The following RYR3 variants were observed in gnomAD, a reference collection of about 807,000 sequenced individuals.
RYR3 encodes the protein brain ryanodine receptor-calcium release channel.
A neutral mutation model predicts 584.3 loss-of-function variants in RYR3; 207 were observed. The ratio of observed to expected loss-of-function variants is 0.35; its 90% confidence interval spans 0.32 to 0.40. RYR3 has a LOEUF of 0.40. Ranked by LOEUF, RYR3 falls within the 10% of genes least tolerant of loss-of-function variation. The pLI, the probability that RYR3 is intolerant of heterozygous loss-of-function variation, is 1.00. For synonymous variants in RYR3, 2,416 were observed against 2,248.5 expected, an observed-to-expected ratio of 1.07 and a Z score of -2.11; for missense variants, 5,616 against 6,089.2, an observed-to-expected ratio of 0.92 and a Z score of 2.59.
At position 33,773,597 on chromosome 15, in the gene RYR3, A is replaced by G; in HGVS notation, c.9119A>G (p.Lys3040Arg). 2.5e-6 allele frequency: 4 copies of G among 1,606,234 alleles called. No individual in the cohort carries two copies. The highest frequency in any genetic ancestry group is 1.7e-5 in the Admixed American group (1 of 59,324). Residue 3040 changes from lysine to arginine, a missense_variant, in exon 64 of 104, where the codon AAG becomes AGG. By Grantham distance (26) the Lys-to-Arg change is conservative. This residue lies in a region of RYR3 where 954 missense variants were observed against 1,132.2 expected (regional missense o/e 0.84). Transcript: ENST00000634891. The part of the protein sequence containing the change: ...LCSLYSLGTG[K>R]NIYVERQRPA... ...AGCCTCTACTCCCTTGGGACGGGAA[A>G]GAACATTTATGTTGAAAGGTAATTA... is the stretch of plus-strand genomic sequence containing the variant.
intron 16 of RYR3, among the ~76,000 whole-genome samples, chr15:33,587,275 C>T (rs1357616359): frequency 2.0e-5 from 3 of 152,160 alleles, no homozygotes; most frequent in African/African-American, 2.4e-5. Context: ...TTCCTGTCTG[C>T]GAAGTGTAAT....
At chr15:33,582,677 A>G (rs1159938407) in intron 14 of RYR3, among the ~76,000 whole-genome samples, 1 of 152,144 alleles carries the variant, frequency 6.6e-6, no homozygotes, top group Admixed American at 6.5e-5. Context: ...AAGGTTACAC[A>G]TCTAGTAACT....
intron 102 of RYR3, among the ~76,000 whole-genome samples, chr15:33,863,360 G>C (rs1426395625): frequency 2.6e-5 from 4 of 152,156 alleles, no homozygotes; most frequent in African/African-American, 9.7e-5. Context: ...CTGTGGGCCA[G>C]GACCTGACGC....
At chr15:33,373,850 T>C (rs2040521649) in intron 1 of RYR3, among the ~76,000 whole-genome samples, 1 of 152,146 alleles carries the variant, frequency 6.6e-6, no homozygotes, top group South Asian at 2.1e-4. Context: ...TTTATAAAAG[T>C]ATAGGATAGA....
intron 1 of RYR3, among the ~76,000 whole-genome samples, chr15:33,440,173 G>T (rs2046099269): frequency 6.6e-6 from 1 of 152,116 alleles, no homozygotes; most frequent in African/African-American, 2.4e-5. Context: ...TGTCGTCCCA[G>T]CTACTTGAGA....
chr15:33,472,062 C>T (rs537009955), intron 1 of RYR3, among the ~76,000 whole-genome samples: 3 of 152,276 alleles, frequency 2.0e-5, no homozygotes, highest in Admixed American at 6.5e-5. Flanking sequence ...AAATGAAGAC[C>T]ATGAATTCTG....
intron 29 of RYR3, among the ~76,000 whole-genome samples, chr15:33,646,959 A>G (rs1226953944): frequency 2.0e-5 from 3 of 152,112 alleles, no homozygotes; most frequent in African/African-American, 7.2e-5. Flanking sequence ...GGGCAATGTG[A>G]CTTCTTTCTT....
intron 12 of RYR3, among the ~76,000 whole-genome samples, chr15:33,571,218 G>C (rs1233780749): frequency 2.6e-5 from 4 of 152,130 alleles, no homozygotes; most frequent in Non-Finnish European, 5.9e-5. Context: ...TTGACTGTAG[G>C]GTTTTTGTAG....
rs1218310411 is a variant in RYR3, at chr15:33,550,195, T to C, written c.851T>C (p.Phe284Ser). The change falls in exon 10 of 104, where the codon TTC (phenylalanine) becomes TCC (serine). Residue 284 changes from phenylalanine to serine, a missense_variant. This residue lies in a region of RYR3 where 1,284 missense variants were observed against 1,344.6 expected (regional missense o/e 0.95). Transcript: ENST00000634891. The stretch of plus-strand genomic sequence containing the variant: ...AGTAACATCAGATGGGGCCAGGCTT[T>C]CCGACTCCGGCATCTCACCACAGGC... ...SGSNIRWGQA[F>S]RLRHLTTGHY... 6.2e-7 allele frequency: 1 copy of C among 1,613,738 alleles called. No homozygotes were observed. The highest frequency in any genetic ancestry group is 1.3e-5 in the African/African-American group (1 of 74,922).
At chr15:33,753,682 G>T (rs546288039) in intron 57 of RYR3, among the ~76,000 whole-genome samples, 165 of 152,240 alleles carry the variant, frequency 1.1e-3, no homozygotes, top group African/African-American at 3.9e-3. Context: ...CATTTCTATT[G>T]TATCTCATAT....
chr15:33,373,397 T>A (rs914520002), intron 1 of RYR3, among the ~76,000 whole-genome samples: 3 of 152,244 alleles, frequency 2.0e-5, no homozygotes. Flanking sequence ...AAATCATGTT[T>A]CTGTATCAGT....
rs1242437090 is a variant in RYR3, at chr15:33,464,507, T to TATACACAC, written c.52-8911_52-8910insTACACACA. Among the ~76,000 whole-genome samples, 4 of 121,036 alleles carry TATACACAC rather than the reference T, an allele frequency of 3.3e-5. No individual in the cohort carries two copies. The Admixed American group carries it at 3.3e-4, about 10-fold the overall frequency. 79.4% of individuals were successfully genotyped at this position (121,036 alleles called of 152,430 possible). A position where few individuals can be genotyped will look rare whatever the true frequency, so the allele number is the denominator to read the frequency against. ...ATATATATACACATATATATATACA[T>TATACACAC]ACACATACACATATATGTACATTTA... On this transcript the variant is annotated intron_variant, in intron 1 of 103. Transcript: ENST00000634891.
chr15:33,625,120 G>T (rs187169600), intron 20 of RYR3, among the ~76,000 whole-genome samples: 98 of 152,282 alleles, frequency 6.4e-4, no homozygotes, highest in African/African-American at 2.3e-3. Flanking sequence ...AAATCATGGC[G>T]GAAGGTGAAG....
chr15:33,336,102 T>C (rs898903811), intron 1 of RYR3, among the ~76,000 whole-genome samples: 1 of 152,110 alleles, frequency 6.6e-6, no homozygotes, highest in African/African-American at 2.4e-5. Flanking sequence ...TTTCTAATAC[T>C]TTTACTTAAG....
intron 80 of RYR3, 77 bp downstream of exon 80, chr15:33,821,679 AG>A (rs770431201): frequency 8.1e-5 from 115 of 1,419,804 alleles, no homozygotes; most frequent in Non-Finnish European, 1.1e-4. Context: ...AGGGAAGAGG[AG>A]TTGACTGCTA....
chr15:33,427,191 T>C (rs1458458838), intron 1 of RYR3, among the ~76,000 whole-genome samples: 1 of 152,212 alleles, frequency 6.6e-6, no homozygotes, highest in Admixed American at 6.5e-5. Flanking sequence ...TGTGTGGGTA[T>C]GTGAGTCTGT....
intron 32 of RYR3, among the ~76,000 whole-genome samples, chr15:33,655,004 G>C (rs934169502): frequency 9.2e-5 from 14 of 152,172 alleles, no homozygotes; most frequent in African/African-American, 3.4e-4. Flanking sequence ...CCTTCCTGGG[G>C]GCGGGGAGCA....
intron 1 of RYR3, among the ~76,000 whole-genome samples, chr15:33,378,254 G>A (rs192155392): frequency 6.6e-6 from 1 of 152,096 alleles, no homozygotes; most frequent in East Asian, 1.9e-4. Flanking sequence ...ATTCTATTTG[G>A]CACTTTCTTC....
chr15:33,840,841 C>G lies in RYR3; in HGVS notation c.12995C>G (p.Ala4332Gly). 6.2e-7 allele frequency: 1 copy of G among 1,613,844 alleles called. No homozygotes were observed. The highest frequency in any genetic ancestry group is 8.5e-7 in the Non-Finnish European group (1 of 1,179,844). Residue 4332 changes from alanine (A) to glycine (G), a missense_variant, in exon 90 of 104, where the codon GCA becomes GGA. By Grantham distance (60) the Ala-to-Gly change is moderately conservative (BLOSUM62 0). Transcript: ENST00000634891. ...KRKAQAAEMK[A>G]ANEAEGKVES... is the part of the protein sequence containing the mutation. The stretch of plus-strand genomic sequence containing the variant: ...TTTGTCTAGGCAGCAGAAATGAAAG[C>G]AGCAAATGAAGCAGAAGGAAAAGTA...
Sources: gnomAD v4.1 joint callset for allele counts (sites outside exome capture counted in the v4.1 genomes callset) on GRCh38, gnomAD v4.1.1 for gene constraint, gnomAD v4.1.1 regional missense constraint, MANE v1.5 for transcripts, NCBI Gene and HGNC (gene_info 2026-07-23, HGNC 2026-07-21) for gene names.